The following ARMC3 variants were observed in gnomAD, a reference collection of about 807,000 sequenced individuals.
The protein encoded by ARMC3 is armadillo repeat containing 3, also known as armadillo repeat-containing protein 3.
Under a neutral mutation model 90.3 loss-of-function variants are expected in ARMC3, and 74 were observed. The ratio of observed to expected loss-of-function variants is 0.82; its 90% CI spans 0.68 to 0.99. The LOEUF is 0.99. Ranked by LOEUF, ARMC3 falls within the 50% of genes least tolerant of loss-of-function variation. ARMC3 has a pLI of 0.00. For synonymous variants in ARMC3, 334 were observed against 361.8 expected (o/e 0.92, Z 0.87); for missense variants, 958 against 1,042.8 (o/e 0.92, Z 1.12).
intron 11 of ARMC3, among the ~76,000 whole-genome samples, chr10:23,000,579 G>A (rs185141203): frequency 6.6e-6 from 1 of 152,300 alleles, no homozygotes; most frequent in Admixed American, 6.5e-5. Flanking sequence ...AAATGAATGA[G>A]TGAACAAATA....
At chr10:22,931,118 A>T (rs1355001590) in intron 1 of ARMC3, among the ~76,000 whole-genome samples, 1 of 152,090 alleles carries the variant, frequency 6.6e-6, no homozygotes, top group Non-Finnish European at 1.5e-5. Flanking sequence ...TAGTAGAGAC[A>T]GGATTTCACT....
At chr10:23,030,397 C>T (rs564268837) in intron 16 of ARMC3, among the ~76,000 whole-genome samples, 199 bp from the exon 17 acceptor site, 3 of 152,022 alleles carry the variant, frequency 2.0e-5, no homozygotes, top group South Asian at 4.2e-4. Context: ...TTGTGGAATG[C>T]GGAACCCATG....
At chr10:22,963,510 G>A (rs1056706610) in intron 7 of ARMC3, among the ~76,000 whole-genome samples, 1 of 152,096 alleles carries the variant, frequency 6.6e-6, no homozygotes, top group Non-Finnish European at 1.5e-5. Context: ...AGGCACAGGT[G>A]TCTGCTCCCA....
At chr10:22,965,444 ACTTTT>A (rs1341481065) in intron 7 of ARMC3, among the ~76,000 whole-genome samples, 10 of 152,054 alleles carry the variant, frequency 6.6e-5, no homozygotes, top group Non-Finnish European at 1.2e-4. Context: ...GTGATGTGTC[ACTTTT>A]CTTTGGCTGC....
At chr10:23,030,286 G>A (rs577496014) in intron 16 of ARMC3, among the ~76,000 whole-genome samples, 1 of 152,068 alleles carries the variant, frequency 6.6e-6, no homozygotes, top group Non-Finnish European at 1.5e-5. Flanking sequence ...GCATACTCTA[G>A]ACCCACAGTC....
At chr10:22,955,534 A>C (rs190277947) in intron 3 of ARMC3, 7 of 273,394 alleles carry the variant, frequency 2.6e-5, no homozygotes, top group African/African-American at 1.5e-4. Context: ...GTGGTGACAG[A>C]ATTAGATAGG....
chr10:23,033,336 A>C (rs565901074), intron 18 of ARMC3, among the ~76,000 whole-genome samples: 4 of 152,050 alleles, frequency 2.6e-5, no homozygotes, highest in Non-Finnish European at 5.9e-5. Flanking sequence ...AGATACTAAA[A>C]TGACAGTCCC....
intron 2 of ARMC3, among the ~76,000 whole-genome samples, chr10:22,944,329 T>G (rs1271656422): frequency 6.6e-6 from 1 of 152,224 alleles, no homozygotes; most frequent in Non-Finnish European, 1.5e-5. Flanking sequence ...CAAGCTAATA[T>G]TTTATCCACC....
intron 16 of ARMC3, among the ~76,000 whole-genome samples, chr10:23,013,484 T>C (rs1838118206): frequency 1.3e-5 from 2 of 152,236 alleles, no homozygotes; most frequent in South Asian, 4.1e-4. Context: ...GAGGCTTAAT[T>C]GACAAATGAA....
At chr10:22,950,295 C>T (rs1834694305) in intron 3 of ARMC3, among the ~76,000 whole-genome samples, 1 of 151,844 alleles carries the variant, frequency 6.6e-6, no homozygotes, top group Admixed American at 6.6e-5. Context: ...TATTGTGCAA[C>T]TTGAAACATA....
intron 18 of ARMC3, among the ~76,000 whole-genome samples, chr10:23,034,580 T>A (rs918063145): frequency 3.9e-5 from 6 of 152,160 alleles, no homozygotes; most frequent in Non-Finnish European, 8.8e-5. Flanking sequence ...TAATTCCCAT[T>A]CCTGGTCAAA....
intron 10 of ARMC3, among the ~76,000 whole-genome samples, chr10:22,982,407 T>C (rs1012979444): frequency 3.3e-5 from 5 of 152,158 alleles, no homozygotes; most frequent in Admixed American, 2.0e-4. Flanking sequence ...AACCAAAGCA[T>C]ATTATGGGCA....
chr10:22,994,874 A>G (rs951358558), intron 10 of ARMC3, among the ~76,000 whole-genome samples: 11 of 152,266 alleles, frequency 7.2e-5, no homozygotes, highest in African/African-American at 2.7e-4. Context: ...ACATATATCA[A>G]ATGATATAAA....
At chr10:23,014,012 C>A in intron 16 of ARMC3, 1 of 1,474,398 alleles carries the variant, frequency 6.8e-7, no homozygotes, top group Non-Finnish European at 9.3e-7. Flanking sequence ...TACAGTATGT[C>A]CAGGGAGAAC....
Position 22,932,062 on chromosome 10 carries a change from A to T in ARMC3, c.48+18A>T. On this transcript the variant is annotated intron_variant, in intron 2 of 18. Transcript: ENST00000298032. Reference sequence around the variant, plus strand: ...AGGATGTGGTAAGTTTCTGATTTGAATACTAGTAGCACTTTAACAACCAGT... The same window carrying T: ...AGGATGTGGTAAGTTTCTGATTTGATTACTAGTAGCACTTTAACAACCAGT... The T allele has an allele frequency of 6.3e-7, 1 of 1,588,416 alleles. No individual in the cohort carries two copies. Among genetic ancestry groups the T allele is most frequent in the Non-Finnish European group, 8.6e-7 (1 of 1,165,982 alleles).
intron 2 of ARMC3, among the ~76,000 whole-genome samples, chr10:22,937,818 G>A (rs538523942): frequency 1.3e-5 from 2 of 152,238 alleles, no homozygotes; most frequent in Non-Finnish European, 2.9e-5. Flanking sequence ...CATTTTCCAA[G>A]TACTACCATC....
At chr10:22,990,807 C>T (rs956213669) in intron 10 of ARMC3, among the ~76,000 whole-genome samples, 2 of 152,178 alleles carry the variant, frequency 1.3e-5, no homozygotes, top group African/African-American at 4.8e-5. Context: ...AGAAATTTCC[C>T]TTGTGCTGAA....
At chr10:22,952,028 G>A (rs1345637676) in intron 3 of ARMC3, among the ~76,000 whole-genome samples, 1 of 152,096 alleles carries the variant, frequency 6.6e-6, no homozygotes, top group Non-Finnish European at 1.5e-5. Context: ...GGGAAGCTGA[G>A]GCAGGGGAAT....
intron 2 of ARMC3, among the ~76,000 whole-genome samples, chr10:22,937,110 C>T (rs1380583070): frequency 6.6e-6 from 1 of 152,024 alleles, no homozygotes; most frequent in Non-Finnish European, 1.5e-5. Flanking sequence ...ACTATGTTGC[C>T]CAGGCTGGTC....
Sources: gnomAD v4.1 joint callset for allele counts (sites outside exome capture counted in the v4.1 genomes callset) on GRCh38, gnomAD v4.1.1 for gene constraint, MANE v1.5 for transcripts, NCBI Gene and HGNC (gene_info 2026-07-23, HGNC 2026-07-21) for gene names.